FAM241A: variants seen among roughly 807,000 people sequenced by gnomAD.
The protein encoded by FAM241A is family with sequence similarity 241 member A.
A neutral mutation model predicts 12.2 loss-of-function variants in FAM241A; 7 were observed. The ratio of observed to expected loss-of-function variants is 0.58; its 90% CI spans 0.33 to 1.08. The LOEUF (loss-of-function observed/expected upper bound fraction) is 1.08. FAM241A is among the 50% of genes least tolerant of loss of function. FAM241A has a pLI of 0.04. For synonymous variants in FAM241A, 74 were observed against 68.2 expected (o/e 1.08, Z -0.42); for missense variants, 161 against 169.7 (o/e 0.95, Z 0.29).
intron 1 of FAM241A, among the ~76,000 whole-genome samples, chr4:112,174,387 C>CG (rs1377625291): frequency 1.3e-5 from 2 of 152,234 alleles, no homozygotes; most frequent in Non-Finnish European, 2.9e-5. Context: ...GGCACGGTGA[C>CG]TCACGCCTGT....
chr4:112,160,778 C>G (rs1314102654), intron 1 of FAM241A, among the ~76,000 whole-genome samples: 1 of 152,108 alleles, frequency 6.6e-6, no homozygotes, highest in East Asian at 1.9e-4. Context: ...ACATTTTTGA[C>G]AAGGGTGCCA....
At chr4:112,179,943 A>ATATG (rs1553921438) in intron 1 of FAM241A, among the ~76,000 whole-genome samples, 18 of 129,504 alleles carry the variant, frequency 1.4e-4, no homozygotes, top group South Asian at 7.0e-4. Flanking sequence ...ATATATGTAT[A>ATATG]TGTGTGTGTG....
chr4:112,154,630 A>G (rs1226270387), intron 1 of FAM241A, among the ~76,000 whole-genome samples: 2 of 152,302 alleles, frequency 1.3e-5, no homozygotes, highest in African/African-American at 2.4e-5. Context: ...TGTCCTGCAT[A>G]TGCAAGGTAC....
At chr4:112,157,517 G>A (rs1403882519) in intron 1 of FAM241A, among the ~76,000 whole-genome samples, 1 of 151,870 alleles carries the variant, frequency 6.6e-6, no homozygotes, top group African/African-American at 2.4e-5. Flanking sequence ...TGGATAGCAG[G>A]GATATGTATG....
At chr4:112,147,383 G>A (rs1723161816) in intron 1 of FAM241A, among the ~76,000 whole-genome samples, 1 of 152,078 alleles carries the variant, frequency 6.6e-6, no homozygotes, top group South Asian at 2.1e-4. Flanking sequence ...AAATCACACC[G>A]GAGATAGGCA....
intron 1 of FAM241A, among the ~76,000 whole-genome samples, chr4:112,186,195 AT>A (rs1724035498): frequency 6.6e-6 from 1 of 152,214 alleles, no homozygotes; most frequent in African/African-American, 2.4e-5. Flanking sequence ...TCCTGATGAA[AT>A]TAATAAGAGG....
intron 1 of FAM241A, among the ~76,000 whole-genome samples, chr4:112,180,481 A>T (rs1201313588): frequency 6.6e-6 from 1 of 152,208 alleles, no homozygotes; most frequent in Non-Finnish European, 1.5e-5. Context: ...GTTTGTTAAC[A>T]ACAGTTAAAT....
intron 1 of FAM241A, among the ~76,000 whole-genome samples, chr4:112,152,361 A>G (rs1008859018): frequency 6.6e-6 from 1 of 152,214 alleles, no homozygotes; most frequent in Non-Finnish European, 1.5e-5. Flanking sequence ...CAAAATTTCA[A>G]TAGTGCCAAA....
chr4:112,173,727 C>T (rs1025819212), intron 1 of FAM241A, among the ~76,000 whole-genome samples: 4 of 152,146 alleles, frequency 2.6e-5, no homozygotes, highest in Admixed American at 6.5e-5. Context: ...AAGGTGCTCA[C>T]GGTCCCAGGA....
chr4:112,151,690 T>A (rs1270844618), intron 1 of FAM241A, among the ~76,000 whole-genome samples: 1 of 152,204 alleles, frequency 6.6e-6, no homozygotes, highest in African/African-American at 2.4e-5. Context: ...CAGTAATATA[T>A]ACATATGAAG....
intron 1 of FAM241A, among the ~76,000 whole-genome samples, chr4:112,151,736 C>G (rs895641265): frequency 1.3e-5 from 2 of 152,162 alleles, no homozygotes; most frequent in African/African-American, 4.8e-5. Context: ...TATATTTAAA[C>G]TCTTGGTAAA....
At chr4:112,165,390 A>G (rs1723572808) in intron 1 of FAM241A, among the ~76,000 whole-genome samples, 2 of 152,196 alleles carry the variant, frequency 1.3e-5, no homozygotes, top group South Asian at 4.1e-4. Context: ...TAGCCTAGCA[A>G]TCCCACTGCT....
At chr4:112,183,436 T>C (rs1262297589) in intron 1 of FAM241A, among the ~76,000 whole-genome samples, 1 of 152,062 alleles carries the variant, frequency 6.6e-6, no homozygotes, top group Non-Finnish European at 1.5e-5. Context: ...CTGGCCTGAT[T>C]TACTAACTCT....
At position 112,176,891 on chromosome 4, in the gene FAM241A, A is replaced by G. The variant is rs569275296; in HGVS notation, c.154-9802A>G. ...CAAAGAATAAATTTTGGCAAAGACA[A>G]AAGTGATTAACGATAGAACAGGAAA... On this transcript the variant is annotated intron_variant, in intron 1 of 1. Coordinates refer to ENST00000309733, the MANE Select transcript of FAM241A (RefSeq NM_152400.3). Among the ~76,000 whole-genome samples the G allele has an allele frequency of 2.0e-5, 3 of 152,318 alleles. No homozygotes were observed. In the East Asian group the frequency reaches 5.8e-4, roughly 29 times the overall value.
At chr4:112,161,337 C>T (rs1458765288) in intron 1 of FAM241A, among the ~76,000 whole-genome samples, 1 of 151,966 alleles carries the variant, frequency 6.6e-6, no homozygotes, top group African/African-American at 2.4e-5. Context: ...GAGATACAGA[C>T]ACAAAAAACC....
chr4:112,161,737 G>A lies in FAM241A; in HGVS notation c.153+16004G>A, dbSNP rs186436105. ...CTGAATTCTACCAGAGGTACAAAGA[G>A]GAGCTGGTACCATTCCTTCTGAAAC... On this transcript the variant is annotated intron_variant, in intron 1 of 1. Coordinates refer to ENST00000309733, the MANE Select transcript of FAM241A (RefSeq NM_152400.3). 4.2e-3 allele frequency among the ~76,000 whole-genome samples: 636 copies of A among 152,180 alleles called. 7 individuals are homozygous for A. Among genetic ancestry groups the A allele is most frequent in the African/African-American group, 0.015 (610 of 41,510 alleles).
chr4:112,175,715 C>A (rs1454081052), intron 1 of FAM241A, among the ~76,000 whole-genome samples: 1 of 151,882 alleles, frequency 6.6e-6, no homozygotes, highest in Non-Finnish European at 1.5e-5. Flanking sequence ...TTGCAGTGAG[C>A]CGAGATCATG....
Position 112,192,516 on chromosome 4 carries a change from T to C in FAM241A, c.*5578T>C, listed in dbSNP as rs1578383282. 1 of 112,994 alleles carries C rather than the reference T, an allele frequency of 8.9e-6. No individual in the cohort carries two copies. The highest frequency in any genetic ancestry group is 2.9e-4 in the East Asian group (1 of 3,394). 7.0% of individuals were successfully genotyped at this position (112,994 alleles called of 1,614,324 possible). On this transcript the variant is annotated 3_prime_UTR_variant, in exon 2 of 2. Transcript: ENST00000309733. ...CTCCCCTCCCCCCACCCCACAACAG[T>C]CCCCAGAGTGTGATGTTCCCCTTCC...
intron 1 of FAM241A, among the ~76,000 whole-genome samples, chr4:112,161,297 G>A (rs1723462380): frequency 1.3e-5 from 2 of 152,000 alleles, no homozygotes; most frequent in Admixed American, 1.3e-4. Flanking sequence ...CAGAAGGCAA[G>A]AAATAACTAA....
Sources: allele counts gnomAD v4.1 joint callset (sites outside exome capture counted in the v4.1 genomes callset), GRCh38; gene constraint gnomAD v4.1.1; transcripts MANE v1.5; gene names NCBI Gene and HGNC (gene_info 2026-07-23, HGNC 2026-07-21).